KMT2E: variants seen among roughly 807,000 people sequenced by gnomAD.
KMT2E encodes the protein histone reader KMT2E.
In KMT2E, 30 loss-of-function variants were observed where a neutral mutation model predicts 184.6. That is an observed-to-expected ratio of 0.16 (90% confidence interval 0.12 to 0.22). The LOEUF is 0.22. Among genes scored for constraint, KMT2E ranks in the 10% least tolerant of loss-of-function variants. The probability of loss-of-function intolerance (pLI) is 1.00; values close to 1 mark genes in which losing one functional copy is unlikely to be tolerated. For missense variants in KMT2E, 2,023 were observed against 2,237.4 expected (o/e 0.90, Z 1.93); for synonymous variants, 815 against 776.5 (o/e 1.05, Z -0.82).
chr7:105,019,339 A>G (rs1465558792), intron 1 of KMT2E, among the ~76,000 whole-genome samples: 1 of 152,124 alleles, frequency 6.6e-6, no homozygotes, highest in African/African-American at 2.4e-5. Context: ...TGAACAGCTC[A>G]TAATTGGATT....
chr7:105,033,537 C>T (rs751307037), intron 1 of KMT2E, among the ~76,000 whole-genome samples: 3 of 151,988 alleles, frequency 2.0e-5, no homozygotes, highest in African/African-American at 4.8e-5. Flanking sequence ...CTTGCTGTGT[C>T]GCCCAGTCTG....
intron 20 of KMT2E, 22 bp downstream of exon 20, chr7:105,106,794 A>G (rs1322910551): frequency 1.2e-6 from 2 of 1,605,580 alleles, no homozygotes; most frequent in Non-Finnish European, 1.7e-6. Flanking sequence ...TAATGGAGAA[A>G]AAAAAATTCA....
At position 105,112,943 on chromosome 7, in the gene KMT2E, T is replaced by C; in HGVS notation, c.5187T>C (p.Ser1729=). ...PPPPPSSVLA[S]GHHTTSAQAL... is the part of the protein sequence containing the mutation. ...CGCCACCTTCCAGTGTTTTGGCTTCTGGGCATCATACCACATCAGCTCAAG... is the reference window on the plus strand; with the variant it reads ...CGCCACCTTCCAGTGTTTTGGCTTCCGGGCATCATACCACATCAGCTCAAG... Residue 1729 remains serine (S), a synonymous_variant, in exon 27 of 27, where the codon TCT becomes TCC. Coordinates refer to ENST00000311117, the MANE Select transcript of KMT2E (RefSeq NM_182931.3). 6.2e-7 allele frequency: 1 copy of C among 1,613,966 alleles called. No individual in the cohort carries two copies. The highest frequency in any genetic ancestry group is 8.5e-7 in the Non-Finnish European group (1 of 1,179,986).
intron 23 of KMT2E, among the ~76,000 whole-genome samples, chr7:105,110,035 A>G (rs910287140): frequency 1.3e-5 from 2 of 151,964 alleles, no homozygotes; most frequent in Non-Finnish European, 2.9e-5. Flanking sequence ...GGGTTTCACC[A>G]TGCTGGCCAG....
At chr7:105,052,438 A>G (rs1796387957) in intron 3 of KMT2E, among the ~76,000 whole-genome samples, 1 of 152,206 alleles carries the variant, frequency 6.6e-6, no homozygotes, top group South Asian at 2.1e-4. Context: ...ATGACTATAA[A>G]CATCTTGTCT....
chr7:105,084,132 TTTA>T (rs933357437), intron 13 of KMT2E, among the ~76,000 whole-genome samples: 4 of 152,174 alleles, frequency 2.6e-5, no homozygotes, highest in African/African-American at 9.7e-5. Context: ...CAAATTTCCT[TTTA>T]TTATTATTTT....
chr7:105,024,188 T>G (rs1795077830), intron 1 of KMT2E, among the ~76,000 whole-genome samples: 1 of 152,208 alleles, frequency 6.6e-6, no homozygotes, highest in Admixed American at 6.5e-5. Flanking sequence ...AAAATTAAGA[T>G]AATCATATTT....
chr7:105,040,073 A>G (rs1380367953), intron 2 of KMT2E, among the ~76,000 whole-genome samples: 1 of 152,176 alleles, frequency 6.6e-6, no homozygotes, highest in Non-Finnish European at 1.5e-5. Flanking sequence ...AACAATATTA[A>G]TGGAAGAAAA....
intron 7 of KMT2E, 72 bp downstream of exon 7, chr7:105,073,749 G>T (rs916029284): frequency 7.8e-5 from 69 of 885,332 alleles, no homozygotes; most frequent in Non-Finnish European, 1.2e-4. Context: ...TCAACTTTTA[G>T]TTAAATGTAA....
chr7:105,063,127 G>T (rs530215066), intron 4 of KMT2E, among the ~76,000 whole-genome samples: 24 of 151,268 alleles, frequency 1.6e-4, no homozygotes, highest in Admixed American at 7.9e-4. Context: ...AAATTTGGAT[G>T]TGAATGTGAC....
chr7:105,044,854 C>T (rs1796032962), intron 3 of KMT2E, among the ~76,000 whole-genome samples: 1 of 152,216 alleles, frequency 6.6e-6, no homozygotes. Flanking sequence ...AAGGAAACCA[C>T]ACCCTGATAC....
chr7:105,104,772 T>C (rs1430239184), intron 17 of KMT2E: 1 of 152,198 alleles, frequency 6.6e-6, no homozygotes, highest in East Asian at 1.9e-4. Context: ...AAATCAGATT[T>C]TTCTAACAGA....
intron 3 of KMT2E, among the ~76,000 whole-genome samples, chr7:105,055,692 ATGT>A (rs761282667): frequency 7.2e-5 from 11 of 152,296 alleles, no homozygotes; most frequent in Admixed American, 2.6e-4. Flanking sequence ...TAAATGTGTC[ATGT>A]TGTTGTTATC....
rs1340708145 is a variant in KMT2E at position 105,077,180 on chromosome 7, A to G, written c.986A>G (p.Lys329Arg). The G allele has an allele frequency of 6.2e-7, 1 of 1,613,508 alleles. No homozygotes were observed. The highest frequency in any genetic ancestry group is 1.3e-5 in the African/African-American group (1 of 75,018). ...SDLNTNNLLF[K>R]PPVESHIQKN... ...TTGAATACCAACAATTTGCTCTTCA[A>G]ACCTCCTGTAGAGGTAAATACATCA... Residue 329 changes from lysine to arginine, a missense_variant, in exon 10 of 27, where the codon AAA becomes AGA. Physicochemically the swap from Lys to Arg is conservative, Grantham distance 26. Transcript: ENST00000311117.
intron 1 of KMT2E, among the ~76,000 whole-genome samples, chr7:105,016,585 A>G (rs1196594147): frequency 6.6e-6 from 1 of 152,164 alleles, no homozygotes; most frequent in Non-Finnish European, 1.5e-5. Flanking sequence ...ATTTAACTGA[A>G]TTTTTTAAAG....
intron 6 of KMT2E, 56 bp from the exon 7 acceptor site, chr7:105,073,563 T>G: frequency 9.1e-7 from 1 of 1,100,534 alleles, no homozygotes; most frequent in Non-Finnish European, 1.4e-6. Context: ...TTATCACATT[T>G]AAGACAGATC....
chr7:105,060,758 G>C (rs1017479981), intron 3 of KMT2E, among the ~76,000 whole-genome samples: 15 of 152,092 alleles, frequency 9.9e-5, no homozygotes, highest in Non-Finnish European at 1.5e-5. Context: ...GTTTAGATGT[G>C]TTTAGATACA....
intron 7 of KMT2E, among the ~76,000 whole-genome samples, chr7:105,074,416 C>T (rs934487679): frequency 3.9e-5 from 6 of 152,168 alleles, no homozygotes; most frequent in African/African-American, 1.2e-4. Flanking sequence ...CCCACAGGCA[C>T]ACCACCAGAG....
intron 15 of KMT2E, among the ~76,000 whole-genome samples, chr7:105,094,733 T>TA (rs1798335192): frequency 6.6e-6 from 1 of 152,206 alleles, no homozygotes; most frequent in African/African-American, 2.4e-5. Context: ...AGGTTTCAGT[T>TA]ACCCACTGAG....
Sources: allele counts gnomAD v4.1 joint callset (sites outside exome capture counted in the v4.1 genomes callset), GRCh38; gene constraint gnomAD v4.1.1; transcripts MANE v1.5; gene names NCBI Gene and HGNC (gene_info 2026-07-23, HGNC 2026-07-21).